The following MACROD1 variants were observed in gnomAD, a reference collection of about 807,000 sequenced individuals.
The protein encoded by MACROD1 is ADP-ribose glycohydrolase MACROD1.
A neutral mutation model predicts 41.4 loss-of-function variants in MACROD1; 31 were observed. That is an observed-to-expected ratio of 0.75 (90% confidence interval 0.56 to 1.01). The LOEUF (loss-of-function observed/expected upper bound fraction) is 1.01, where lower values mean the gene tolerates loss of function less well. Among genes scored for constraint, MACROD1 ranks in the 50% least tolerant of loss-of-function variants. The probability of loss-of-function intolerance (pLI) is 0.00; values close to 1 mark genes in which losing one functional copy is unlikely to be tolerated. For missense variants in MACROD1, 473 were observed against 460.0 expected, an observed-to-expected ratio of 1.03 and a Z score of -0.26; for synonymous variants, 252 against 203.4, an observed-to-expected ratio of 1.24 and a Z score of -2.03.
In MACROD1 at chr11:64,165,132, G is replaced by A. The variant is rs566304239; in HGVS notation, c.298+565C>T. ...TGCCCAGGAAGGCATCAGAGTGCGG[G>A]CTTGGGGTGGGGTGGAGGCAGGACA... On this transcript the variant is annotated intron_variant, in intron 1 of 10. Coordinates refer to ENST00000255681, the MANE Select transcript of MACROD1 (RefSeq NM_014067.4). Among the ~76,000 whole-genome samples the A allele has an allele frequency of 3.9e-5, 6 of 152,364 alleles. No homozygotes were observed. In the East Asian group the frequency reaches 7.7e-4, roughly 20 times the overall value.
rs756479687 is a variant in MACROD1 at position 64,064,873 on chromosome 11, CATTT to C, written c.518-49596_518-49593del. ...TCATTCATTCATTCATTCATTCATT[CATTT>C]GATGAGTGCTTCCAGAGCCCACCTA... On this transcript the variant is annotated intron_variant, in intron 3 of 10. Transcript: ENST00000255681. The surrounding 1 kb of genome is among the most constrained non-coding windows in gnomAD (Gnocchi z 4.5). Among the ~76,000 whole-genome samples, 2,048 of 144,802 alleles carry C rather than the reference CATTT, an allele frequency of 0.014. 47 individuals carry two copies. Among genetic ancestry groups the C allele is most frequent in the African/African-American group, 0.051 (1,925 of 37,486 alleles). 95.0% of individuals were successfully genotyped at this position (144,802 alleles called of 152,430 possible).
intron 3 of MACROD1, chr11:64,116,756 G>C: frequency 1.9e-6 from 3 of 1,613,616 alleles, no homozygotes; most frequent in Middle Eastern, 3.3e-4. Context: ...ACAACTCCGT[G>C]TCCACCGTCA....
rs568871246 is a variant in MACROD1, at chr11:64,016,095, C to G, written c.518-814G>C. On this transcript the variant is annotated intron_variant, in intron 3 of 10. Coordinates refer to ENST00000255681, the MANE Select transcript of MACROD1 (RefSeq NM_014067.4). ...CTAGGGGTAGTGCTGCCAGGCAGAG[C>G]TGGACTGACGGCTTTGTGGCTGCCA... Among the ~76,000 whole-genome samples, 54 of 152,358 alleles carry G rather than the reference C, an allele frequency of 3.5e-4. 1 individual carries two copies. In the South Asian group the frequency reaches 0.011, roughly 30 times the overall value.
chr11:64,028,461 G>GGGAGGTGGGAGGCA (rs1376677109), intron 3 of MACROD1, among the ~76,000 whole-genome samples: 4 of 152,260 alleles, frequency 2.6e-5, no homozygotes, highest in African/African-American at 9.6e-5. Flanking sequence ...AAACGGTGGA[G>GGGAGGTGGGAGGCA]GGAGGTGGGA....
Position 64,000,210 on chromosome 11 carries a change from G to A in MACROD1, c.664+17C>T. 30 of 1,595,130 alleles carry A rather than the reference G, an allele frequency of 1.9e-5. No individual in the cohort carries two copies. The highest frequency in any genetic ancestry group is 4.5e-5 in the East Asian group (2 of 44,312). On this transcript the variant is annotated intron_variant, in intron 5 of 10. Transcript: ENST00000255681. The stretch of plus-strand genomic sequence containing the variant: ...CCCTGTCTGCGCCCCACAGCTGGGG[G>A]CGCGTCGGGGACTCACACTTGGCCG...
intron 3 of MACROD1, among the ~76,000 whole-genome samples, chr11:64,080,086 C>T (rs986265605): frequency 6.6e-6 from 1 of 152,216 alleles, no homozygotes; most frequent in Non-Finnish European, 1.5e-5. Flanking sequence ...CATCCCTGTT[C>T]ACTGCAACCT....
intron 3 of MACROD1, among the ~76,000 whole-genome samples, chr11:64,046,777 G>T (rs1296052058): frequency 6.6e-6 from 1 of 152,186 alleles, no homozygotes; most frequent in Non-Finnish European, 1.5e-5. Context: ...GGGATTACAG[G>T]CGTGAGCCGC....
chr11:64,071,524 C>T (rs1944107457), intron 3 of MACROD1, among the ~76,000 whole-genome samples: 1 of 152,128 alleles, frequency 6.6e-6, no homozygotes, highest in Non-Finnish European at 1.5e-5. Flanking sequence ...ACCCTGGGGC[C>T]CATCCCAGAC....
chr11:64,075,910 G>C (rs995191522), intron 3 of MACROD1, among the ~76,000 whole-genome samples: 2 of 152,226 alleles, frequency 1.3e-5, no homozygotes, highest in East Asian at 3.9e-4. Flanking sequence ...CTGACCTCAA[G>C]TGATCCACCC....
In MACROD1 at chr11:64,146,226, G is replaced by C. The variant is rs1396693637; in HGVS notation, c.517+5013C>G. On this transcript the variant is annotated intron_variant, in intron 3 of 10. Coordinates refer to ENST00000255681, the MANE Select transcript of MACROD1 (RefSeq NM_014067.4). This position sits in a 1 kb window ranked among gnomAD's most constrained non-coding sequence, Gnocchi z 4.7. ...GTCACTGCACCCCCGTGGTAAAAAG[G>C]AGACATAAACACCCTGGCAGCCACA... 6.6e-6 allele frequency among the ~76,000 whole-genome samples: 1 copy of C among 152,084 alleles called. No individual in the cohort carries two copies. Among genetic ancestry groups the C allele is most frequent in the African/African-American group, 2.4e-5 (1 of 41,390 alleles).
intron 3 of MACROD1, among the ~76,000 whole-genome samples, chr11:64,015,582 C>T (rs767468905): frequency 1.3e-5 from 2 of 152,120 alleles, no homozygotes; most frequent in African/African-American, 4.8e-5. Flanking sequence ...GCCCCCGCCA[C>T]GGCCCTTTCA....
chr11:64,027,462 C>A (rs766232556), intron 3 of MACROD1, among the ~76,000 whole-genome samples: 21 of 152,202 alleles, frequency 1.4e-4, no homozygotes, highest in Non-Finnish European at 2.9e-4. Context: ...AAGAGAAGAC[C>A]GTGGAGATGG....
chr11:64,095,322 CT>C (rs1944557527), intron 3 of MACROD1, among the ~76,000 whole-genome samples: 1 of 152,334 alleles, frequency 6.6e-6, no homozygotes, highest in Admixed American at 6.5e-5. Context: ...GAAAAGGAAG[CT>C]AATAGCTTCC....
chr11:64,069,516 A>G (rs1944066721), intron 3 of MACROD1, among the ~76,000 whole-genome samples: 2 of 152,194 alleles, frequency 1.3e-5, no homozygotes, highest in African/African-American at 4.8e-5. Context: ...AAGGGCAAGC[A>G]CAGCCACAGG....
At chr11:64,076,786 C>G (rs1664925439) in intron 3 of MACROD1, among the ~76,000 whole-genome samples, 1 of 152,206 alleles carries the variant, frequency 6.6e-6, no homozygotes, top group Admixed American at 6.5e-5. Context: ...AGGTGGGACC[C>G]AGGCTCTGGG....
intron 4 of MACROD1, among the ~76,000 whole-genome samples, chr11:64,013,620 A>G (rs1387921727): frequency 6.6e-6 from 1 of 152,202 alleles, no homozygotes; most frequent in East Asian, 1.9e-4. Context: ...GGTGGTGGGC[A>G]GAAGAGACTC....
chr11:64,064,243 G>A lies in MACROD1; in HGVS notation c.518-48962C>T, dbSNP rs1013161957. On this transcript the variant is annotated intron_variant, in intron 3 of 10. Transcript: ENST00000255681. This position sits in a 1 kb window ranked among gnomAD's most constrained non-coding sequence, Gnocchi z 4.5. The stretch of plus-strand genomic sequence containing the variant: ...AAAAATCCCAAACTGCACAGCCTAG[G>A]GTTGGGGACAAAAAGCAACCAAGCC... 3.9e-5 allele frequency among the ~76,000 whole-genome samples: 6 copies of A among 152,202 alleles called. No homozygotes were observed. Among genetic ancestry groups the A allele is most frequent in the African/African-American group, 7.2e-5 (3 of 41,458 alleles).
intron 3 of MACROD1, among the ~76,000 whole-genome samples, chr11:64,052,270 C>G (rs77098443): frequency 0.01 from 1,596 of 152,156 alleles, 23 homozygotes; most frequent in African/African-American, 0.036. Flanking sequence ...AAAAAAACAA[C>G]TTTTTTTGCT....
chr11:64,135,255 G>C (rs1014249110), intron 3 of MACROD1, among the ~76,000 whole-genome samples: 2 of 152,220 alleles, frequency 1.3e-5, no homozygotes, highest in Admixed American at 6.5e-5. Context: ...ATGACAAATG[G>C]AACAGGTCCT....
Sources: allele counts gnomAD v4.1 joint callset (sites outside exome capture counted in the v4.1 genomes callset), GRCh38; gene constraint gnomAD v4.1.1; non-coding constraint Gnocchi (gnomAD v3.1); transcripts MANE v1.5; gene names NCBI Gene and HGNC (gene_info 2026-07-23, HGNC 2026-07-21).